TMEM108: variants seen among roughly 807,000 people sequenced by gnomAD.
TMEM108 encodes cancer/testis antigen 124.
A neutral mutation model predicts 35.1 loss-of-function variants in TMEM108; 12 were observed. The observed-to-expected ratio is 0.34, with a 90% confidence interval of 0.22 to 0.55. TMEM108 has a LOEUF of 0.55. TMEM108 is among the 20% of genes least tolerant of loss of function. TMEM108 has a pLI of 0.89. For synonymous variants in TMEM108, 287 were observed against 308.6 expected (o/e 0.93, Z 0.73); for missense variants, 680 against 753.3 (o/e 0.90, Z 1.14).
chr3:133,299,173 A>C (rs1947185085), intron 3 of TMEM108, among the ~76,000 whole-genome samples: 1 of 152,238 alleles, frequency 6.6e-6, no homozygotes, highest in Admixed American at 6.5e-5. Context: ...CCTTGCAGCC[A>C]GCTAGTGCTC....
Position 133,129,126 on chromosome 3 carries a change from C to T in TMEM108, c.-47+83106C>T, listed in dbSNP as rs1944455111. On this transcript the variant is annotated intron_variant, in intron 2 of 5. Coordinates refer to ENST00000321871, the MANE Select transcript of TMEM108 (RefSeq NM_023943.4). ...TTGGGAGGCTGAGATGGGTGGGTCA[C>T]TTGAGGCCAGGAGTTCAAGAACAGC... 4.6e-5 allele frequency among the ~76,000 whole-genome samples: 7 copies of T among 152,258 alleles called. No individual in the cohort carries two copies. In the South Asian group the frequency reaches 1.5e-3, roughly 32 times the overall value.
intron 3 of TMEM108, among the ~76,000 whole-genome samples, chr3:133,239,259 T>C (rs543621324): frequency 1.3e-5 from 2 of 152,312 alleles, no homozygotes; most frequent in African/African-American, 4.8e-5. Flanking sequence ...CTTGTGCTAC[T>C]AGCAGTGGCT....
chr3:133,057,993 G>A (rs760231929), intron 2 of TMEM108, among the ~76,000 whole-genome samples: 32 of 152,150 alleles, frequency 2.1e-4, no homozygotes, highest in Non-Finnish European at 4.6e-4. Context: ...AGATACCAGG[G>A]CCTCTGCCCT....
chr3:133,149,321 C>A (rs981502211), intron 2 of TMEM108, among the ~76,000 whole-genome samples: 13 of 152,174 alleles, frequency 8.5e-5, no homozygotes, highest in Non-Finnish European at 1.8e-4. Context: ...CCAAATCAAG[C>A]AAATTAACAT....
In TMEM108 at chr3:133,207,482, G is replaced by A. The variant is rs944422223; in HGVS notation, c.-46-21784G>A. ...GATTTGAGCTGATTTGTCAGGCGAA[G>A]TGGCTTACATGTTTGATTTACCTGT... On this transcript the variant is annotated intron_variant, in intron 2 of 5. Transcript: ENST00000321871. Among the ~76,000 whole-genome samples, 11 of 152,246 alleles carry A rather than the reference G, an allele frequency of 7.2e-5. No individual in the cohort carries two copies. In the East Asian group the frequency reaches 1.9e-3, roughly 27 times the overall value.
intron 3 of TMEM108, among the ~76,000 whole-genome samples, chr3:133,321,074 G>T (rs2071261394): frequency 6.6e-6 from 1 of 152,138 alleles, no homozygotes; most frequent in African/African-American, 2.4e-5. Flanking sequence ...TCTTCTTAAA[G>T]CATAAATCTC....
At chr3:133,377,144 A>G (rs978655859) in intron 3 of TMEM108, among the ~76,000 whole-genome samples, 2 of 152,266 alleles carry the variant, frequency 1.3e-5, no homozygotes, top group South Asian at 4.2e-4. Context: ...TTTTACTTTA[A>G]TTACCTCTTT....
At chr3:133,300,288 T>C (rs1239097032) in intron 3 of TMEM108, among the ~76,000 whole-genome samples, 1 of 152,112 alleles carries the variant, frequency 6.6e-6, no homozygotes, top group Non-Finnish European at 1.5e-5. Flanking sequence ...GGATACCTGA[T>C]GGTGTTGCCT....
chr3:133,323,684 T>C (rs569495775), intron 3 of TMEM108, among the ~76,000 whole-genome samples: 7 of 152,222 alleles, frequency 4.6e-5, no homozygotes, highest in Admixed American at 2.0e-4. Context: ...ATCCTAAAAT[T>C]CATATGGAAC....
At chr3:133,350,180 A>G (rs1050178422) in intron 3 of TMEM108, among the ~76,000 whole-genome samples, 1 of 152,170 alleles carries the variant, frequency 6.6e-6, no homozygotes, top group African/African-American at 2.4e-5. Context: ...CCACAGAAAG[A>G]CAAATACTAC....
chr3:133,042,214 A>T (rs1943284205), intron 1 of TMEM108, among the ~76,000 whole-genome samples: 1 of 152,126 alleles, frequency 6.6e-6, no homozygotes, highest in Admixed American at 6.5e-5. Context: ...ACTCTGCCTG[A>T]GGTATAGGAT....
chr3:133,054,786 C>T lies in TMEM108; in HGVS notation c.-47+8766C>T, dbSNP rs1943446778. 2.0e-5 allele frequency among the ~76,000 whole-genome samples: 3 copies of T among 152,260 alleles called. No individual in the cohort carries two copies. In the South Asian group the frequency reaches 6.2e-4, roughly 32 times the overall value. The stretch of plus-strand genomic sequence containing the variant: ...CCTGCACAGCTGTGAGTGGAGTGAC[C>T]CATGGCAGCACAAACAGCCCGTCAT... On this transcript the variant is annotated intron_variant, in intron 2 of 5. Transcript: ENST00000321871.
chr3:133,284,764 A>G (rs1404171500), intron 3 of TMEM108, among the ~76,000 whole-genome samples: 2 of 152,200 alleles, frequency 1.3e-5, no homozygotes, highest in South Asian at 2.1e-4. Context: ...ACAAAACACT[A>G]TCTTATTCAA....
chr3:133,151,313 A>G (rs1944797598), intron 2 of TMEM108, among the ~76,000 whole-genome samples: 1 of 152,182 alleles, frequency 6.6e-6, no homozygotes, highest in East Asian at 1.9e-4. Flanking sequence ...TGGCACCAAG[A>G]TGCCCAACAA....
chr3:133,224,942 G>C (rs890834828), intron 2 of TMEM108, among the ~76,000 whole-genome samples: 1 of 151,696 alleles, frequency 6.6e-6, no homozygotes, highest in African/African-American at 2.4e-5. Flanking sequence ...TGCCTCTCCT[G>C]TCTCAATATT....
chr3:133,151,831 G>T (rs1052710570), intron 2 of TMEM108, among the ~76,000 whole-genome samples: 3 of 152,102 alleles, frequency 2.0e-5, no homozygotes, highest in Middle Eastern at 3.4e-3. Flanking sequence ...TTAAGTAGAG[G>T]TTTATTTGTT....
At chr3:133,287,178 A>T (rs991681991) in intron 3 of TMEM108, among the ~76,000 whole-genome samples, 15 of 152,188 alleles carry the variant, frequency 9.9e-5, no homozygotes, top group Non-Finnish European at 1.6e-4. Flanking sequence ...CCTGCTCCAG[A>T]CATTTTTATA....
At chr3:133,061,970 A>T (rs930738414) in intron 2 of TMEM108, among the ~76,000 whole-genome samples, 1 of 152,234 alleles carries the variant, frequency 6.6e-6, no homozygotes, top group Admixed American at 6.5e-5. Flanking sequence ...CAGTTGGGGC[A>T]TGTATTTTTC....
intron 3 of TMEM108, among the ~76,000 whole-genome samples, chr3:133,281,105 G>A (rs1946905766): frequency 6.6e-6 from 1 of 152,192 alleles, no homozygotes; most frequent in South Asian, 2.1e-4. Context: ...TACTATGAAG[G>A]GAAGAACTGC....
Sources: gnomAD v4.1 joint callset for allele counts (sites outside exome capture counted in the v4.1 genomes callset) on GRCh38, gnomAD v4.1.1 for gene constraint, MANE v1.5 for transcripts, NCBI Gene and HGNC (gene_info 2026-07-23, HGNC 2026-07-21) for gene names.